SYT16: variants seen among roughly 807,000 people sequenced by gnomAD.
SYT16 encodes the protein synaptotagmin-16.
Under a neutral mutation model 61.4 loss-of-function variants are expected in SYT16, and 42 were observed. That is an observed-to-expected ratio of 0.68 (90% CI 0.53 to 0.89). SYT16 has a LOEUF of 0.89. Among genes scored for constraint, SYT16 ranks in the 40% least tolerant of loss-of-function variants. The pLI, the probability that SYT16 is intolerant of heterozygous loss-of-function variation, is 0.00. For synonymous variants in SYT16, 314 were observed against 302.3 expected, an observed-to-expected ratio of 1.04 and a Z score of -0.40; for missense variants, 804 against 807.3, an observed-to-expected ratio of 1.00 and a Z score of 0.05.
chr14:61,902,220 A>G (rs981120552), intron 1 of SYT16, among the ~76,000 whole-genome samples: 2 of 152,188 alleles, frequency 1.3e-5, no homozygotes, highest in African/African-American at 4.8e-5. Context: ...TGCCTAGAGC[A>G]TATCAAGTGC....
At chr14:62,014,715 C>T (rs984126365) in intron 3 of SYT16, among the ~76,000 whole-genome samples, 5 of 151,940 alleles carry the variant, frequency 3.3e-5, no homozygotes, top group South Asian at 2.1e-4. Context: ...ATTACAGGCA[C>T]GAGCCATTGC....
chr14:61,864,233 A>G (rs144038807), intron 1 of SYT16, among the ~76,000 whole-genome samples: 102 of 152,362 alleles, frequency 6.7e-4, no homozygotes, highest in African/African-American at 2.5e-3. Context: ...TACTCCCCTT[A>G]CAGGCTGACG....
At chr14:61,925,070 C>T (rs1288489841) in intron 1 of SYT16, among the ~76,000 whole-genome samples, 2 of 152,186 alleles carry the variant, frequency 1.3e-5, no homozygotes, top group Non-Finnish European at 2.9e-5. Flanking sequence ...TGGGAAGCGC[C>T]CTCTTGATTT....
At chr14:62,049,938 C>T (rs1474431199) in intron 3 of SYT16, among the ~76,000 whole-genome samples, 1 of 152,160 alleles carries the variant, frequency 6.6e-6, no homozygotes, top group African/African-American at 2.4e-5. Context: ...GTGAATCAGA[C>T]AATTATGTGT....
chr14:61,833,395 C>T (rs563680350), intron 1 of SYT16, among the ~76,000 whole-genome samples: 18 of 151,398 alleles, frequency 1.2e-4, no homozygotes, highest in African/African-American at 4.4e-4. Context: ...CGGGTTCAAG[C>T]GATTTTCCTG....
At chr14:61,891,242 G>GCACACACACACACACACACACACACACA (rs34375502) in intron 1 of SYT16, among the ~76,000 whole-genome samples, 1 of 147,802 alleles carries the variant, frequency 6.8e-6, no homozygotes, top group Non-Finnish European at 1.5e-5. Flanking sequence ...ACACACACGC[G>GCACACACACACACACACACACACACACA]CACACACACA....
At chr14:61,992,550 T>A (rs1194444154) in intron 2 of SYT16, among the ~76,000 whole-genome samples, 3 of 152,228 alleles carry the variant, frequency 2.0e-5, no homozygotes, top group Non-Finnish European at 4.4e-5. Flanking sequence ...TCAGACCCAG[T>A]GATACAGCAA....
intron 1 of SYT16, among the ~76,000 whole-genome samples, chr14:61,860,405 G>T (rs2046926600): frequency 6.6e-6 from 1 of 152,228 alleles, no homozygotes; most frequent in Admixed American, 6.5e-5. Context: ...GAGGAAGCAA[G>T]ATGATCAACT....
chr14:61,954,002 G>C (rs1320005278), intron 1 of SYT16, among the ~76,000 whole-genome samples: 1 of 152,194 alleles, frequency 6.6e-6, no homozygotes, highest in Non-Finnish European at 1.5e-5. Context: ...GAGTGAAACT[G>C]AGGTTATTTC....
chr14:61,954,784 G>T (rs902515226), intron 1 of SYT16, among the ~76,000 whole-genome samples: 4 of 152,014 alleles, frequency 2.6e-5, no homozygotes, highest in Non-Finnish European at 5.9e-5. Context: ...GCTCTGTTCG[G>T]TGTTACACAT....
chr14:61,818,667 G>A (rs1159151940), intron 1 of SYT16, among the ~76,000 whole-genome samples: 1 of 140,312 alleles, frequency 7.1e-6, no homozygotes, highest in East Asian at 2.1e-4. Context: ...GACACAGTGA[G>A]ACTCTGTCTC....
intron 1 of SYT16, among the ~76,000 whole-genome samples, chr14:61,850,913 AT>A (rs1012699313): frequency 6.6e-6 from 1 of 152,120 alleles, no homozygotes; most frequent in African/African-American, 2.4e-5. Context: ...TTTTATTTTT[AT>A]TTTAAATTCA....
intron 3 of SYT16, among the ~76,000 whole-genome samples, chr14:62,038,287 A>G (rs569736008): frequency 6.6e-6 from 1 of 150,590 alleles, no homozygotes; most frequent in South Asian, 2.1e-4. Flanking sequence ...CAGAAGATAC[A>G]TGGTACTCTT....
upstream of SYT16, chr14:61,812,658 C>G (rs2140197872): frequency 6.8e-6 from 1 of 146,370 alleles, no homozygotes; most frequent in East Asian, 2.0e-4. Context: ...CGGCGCGGCG[C>G]GGCGGGGGCG....
At chr14:62,037,163 C>T (rs1254911) in intron 3 of SYT16, among the ~76,000 whole-genome samples, 1 of 151,938 alleles carries the variant, frequency 6.6e-6, no homozygotes, top group South Asian at 2.1e-4. Flanking sequence ...AATCTGGTCC[C>T]CACTTGAAAT....
intron 3 of SYT16, among the ~76,000 whole-genome samples, chr14:62,012,923 C>T (rs146134397): frequency 5.1e-4 from 78 of 152,238 alleles, no homozygotes; most frequent in African/African-American, 1.6e-3. Flanking sequence ...AGCTTTCACA[C>T]GGAAAGTGCC....
At chr14:61,960,463 A>G (rs192307161) in intron 1 of SYT16, among the ~76,000 whole-genome samples, 5 of 152,054 alleles carry the variant, frequency 3.3e-5, no homozygotes, top group African/African-American at 1.2e-4. Context: ...TTTTGTGTCT[A>G]TTGTGAATGG....
At chr14:62,087,952 G>T (rs1360651380) in intron 7 of SYT16, among the ~76,000 whole-genome samples, 1 of 152,154 alleles carries the variant, frequency 6.6e-6, no homozygotes, top group Non-Finnish European at 1.5e-5. Context: ...ACAGCCCCCA[G>T]CATGGCTAAA....
intron 1 of SYT16, among the ~76,000 whole-genome samples, chr14:61,924,274 G>A (rs532051721): frequency 7.9e-5 from 12 of 152,274 alleles, no homozygotes; most frequent in Admixed American, 7.2e-4. Flanking sequence ...TGGTTGGCAG[G>A]TCTCTGAGAT....
Sources: allele counts gnomAD v4.1 joint callset (sites outside exome capture counted in the v4.1 genomes callset), GRCh38; gene constraint gnomAD v4.1.1; transcripts MANE v1.5; gene names NCBI Gene and HGNC (gene_info 2026-07-23, HGNC 2026-07-21).